PARD3B: variants seen among roughly 807,000 people sequenced by gnomAD.
The protein encoded by PARD3B is par-3 family cell polarity regulator beta, also known as partitioning defective 3 homolog B.
Under a neutral mutation model 130.2 loss-of-function variants are expected in PARD3B, and 103 were observed. That is an observed-to-expected ratio of 0.79 (90% CI 0.67 to 0.93). The LOEUF is 0.93. PARD3B is among the 40% of genes least tolerant of loss of function. The probability of loss-of-function intolerance (pLI) is 0.00; values close to 1 mark genes in which losing one functional copy is unlikely to be tolerated. For synonymous variants in PARD3B, 583 were observed against 553.2 expected, an observed-to-expected ratio of 1.05 and a Z score of -0.76; for missense variants, 1,609 against 1,499.2, an observed-to-expected ratio of 1.07 and a Z score of -1.21.
At chr2:204,924,032 GATTCTGT>G (rs1374660791) in intron 2 of PARD3B, among the ~76,000 whole-genome samples, 1 of 152,040 alleles carries the variant, frequency 6.6e-6, no homozygotes, top group East Asian at 1.9e-4. Flanking sequence ...ATTAAACTCA[GATTCTGT>G]AAAAGCTGTA....
intron 2 of PARD3B, among the ~76,000 whole-genome samples, chr2:204,802,531 T>C (rs1387802764): frequency 6.6e-6 from 1 of 152,088 alleles, no homozygotes; most frequent in East Asian, 1.9e-4. Context: ...ACTCTAAAGA[T>C]ACATGCACAT....
In PARD3B at chr2:205,050,222, ATAAT is replaced by A. The variant is rs972331764; in HGVS notation, c.504+2537_504+2540del. Among the ~76,000 whole-genome samples the A allele has an allele frequency of 1.6e-3, 238 of 149,374 alleles. 1 individual carries two copies. Among genetic ancestry groups the A allele is most frequent in the African/African-American group, 5.4e-3 (223 of 41,054 alleles). On this transcript the variant is annotated intron_variant, in intron 4 of 22. Coordinates refer to ENST00000406610, the MANE Select transcript of PARD3B (RefSeq NM_001302769.2). Reference sequence around the variant, plus strand: ...AAATATATAATAATACTAATTAATAATAATTAATCTGACTCAGCCATTCTCTCCG... The same window carrying A: ...AAATATATAATAATACTAATTAATAATAATCTGACTCAGCCATTCTCTCCG...
At chr2:205,159,562 C>A (rs1001308658) in intron 11 of PARD3B, among the ~76,000 whole-genome samples, 4 of 152,170 alleles carry the variant, frequency 2.6e-5, no homozygotes, top group Admixed American at 2.6e-4. Context: ...AGGCAAGGGT[C>A]TTGACCAGCT....
At position 204,916,722 on chromosome 2, in the gene PARD3B, C is replaced by T. The variant is rs189153876; in HGVS notation, c.223-48430C>T. ...ATTTATCCATTTGTTCATGGAGTTCCCTTAATGAGCAAGAATGCCACATAC... is the reference window on the plus strand; with the variant it reads ...ATTTATCCATTTGTTCATGGAGTTCTCTTAATGAGCAAGAATGCCACATAC... On this transcript the variant is annotated intron_variant, in intron 2 of 22. Transcript: ENST00000406610. 3.7e-3 allele frequency among the ~76,000 whole-genome samples: 558 copies of T among 151,734 alleles called. 6 individuals carry two copies. Among genetic ancestry groups the T allele is most frequent in the African/African-American group, 0.013 (538 of 41,416 alleles).
rs771779135 is a variant in PARD3B, at chr2:204,663,687, A to G, written c.121-22494A>G. Among the ~76,000 whole-genome samples the G allele has an allele frequency of 2.4e-4, 37 of 152,138 alleles. 1 individual carries two copies. The highest frequency in any genetic ancestry group is 4.1e-4 in the Non-Finnish European group (28 of 68,020). ...TTTGAGCCTTATTTTTCTTGTCTGTAGGAGAGTGTTAATATTTACCCGTAA... is the reference window on the plus strand; with the variant it reads ...TTTGAGCCTTATTTTTCTTGTCTGTGGGAGAGTGTTAATATTTACCCGTAA... On this transcript the variant is annotated intron_variant, in intron 1 of 22. Coordinates refer to ENST00000406610, the MANE Select transcript of PARD3B (RefSeq NM_001302769.2).
chr2:204,589,146 A>G (rs1268840892), intron 1 of PARD3B, among the ~76,000 whole-genome samples: 1 of 152,214 alleles, frequency 6.6e-6, no homozygotes, highest in Non-Finnish European at 1.5e-5. Context: ...TATACCTGGA[A>G]TTATGGCACA....
chr2:205,183,730 T>TTGTATG lies in PARD3B; in HGVS notation c.1925-2031_1925-2030insATGTGT, dbSNP rs2035926383. Among the ~76,000 whole-genome samples the TTGTATG allele has an allele frequency of 1.4e-5, 2 of 138,160 alleles. No individual in the cohort carries two copies. The highest frequency in any genetic ancestry group is 3.1e-5 in the Non-Finnish European group (2 of 64,184). 90.6% of individuals were successfully genotyped at this position (138,160 alleles called of 152,430 possible). A position where few individuals can be genotyped will look rare whatever the true frequency, so the allele number is the denominator to read the frequency against. Reference sequence around the variant, plus strand: ...GGTTCTGCAGAGAAACAGAACCAAGTTGTGTGTGTGTGTGTGTGTGTGTGT... The same window carrying TTGTATG: ...GGTTCTGCAGAGAAACAGAACCAAGTTGTATGTGTGTGTGTGTGTGTGTGTGTGTGT... On this transcript the variant is annotated intron_variant, in intron 13 of 22. Transcript: ENST00000406610. The surrounding 1 kb of genome is among the most constrained non-coding windows in gnomAD (Gnocchi z 5.2).
At position 205,037,188 on chromosome 2, in the gene PARD3B, CAAAT is replaced by C. The variant is rs553238909; in HGVS notation, c.395-10391_395-10388del. Among the ~76,000 whole-genome samples the C allele has an allele frequency of 6.3e-4, 91 of 144,166 alleles. No homozygotes were observed. In the South Asian group the frequency reaches 0.018, roughly 29 times the overall value. The allele number at this position is 144,166 out of a possible 152,430, so 94.6% of individuals were successfully genotyped here. A position where few individuals can be genotyped will look rare whatever the true frequency, so the allele number is the denominator to read the frequency against. On this transcript the variant is annotated intron_variant, in intron 3 of 22. Transcript: ENST00000406610. ...TATATAGCGGACTGTATATATAAAA[CAAAT>C]ATATATATAGCGGACTATATATAAA... is the stretch of plus-strand genomic sequence containing the variant.
At chr2:204,896,955 C>T (rs2125698643) in intron 2 of PARD3B, among the ~76,000 whole-genome samples, 1 of 152,252 alleles carries the variant, frequency 6.6e-6, no homozygotes, top group South Asian at 2.1e-4. Flanking sequence ...TAAATTGCAT[C>T]TGTACAGCAG....
chr2:205,301,573 CA>C lies in PARD3B; in HGVS notation c.2509del (p.Thr837ArgfsTer13), dbSNP rs772816756. 2.5e-6 allele frequency: 4 copies of C among 1,610,984 alleles called. No individual in the cohort carries two copies. In the South Asian group the frequency reaches 4.4e-5, roughly 18 times the overall value. On this transcript the variant is annotated frameshift_variant, in exon 18 of 23. Transcript: ENST00000406610. LOFTEE classifies it high-confidence loss of function. The surrounding 1 kb of genome is among the most constrained non-coding windows in gnomAD (Gnocchi z 5.2). ...EDMENKARKVKKTKEKEKKKE... is the reference protein window; with the variant it reads ...EDMENKARKVXKTKEKEKKKE... ...ACATGGAAAATAAAGCCAGGAAAGT[CA>C]AAAAAACGAAAGAGAAGGAGAAGAA...
At chr2:204,805,076 T>G (rs575668976) in intron 2 of PARD3B, among the ~76,000 whole-genome samples, 2 of 151,066 alleles carry the variant, frequency 1.3e-5, no homozygotes, top group South Asian at 4.2e-4. Flanking sequence ...TGAAAAGAAA[T>G]AATAAAGATG....
chr2:204,592,058 A>G (rs2033093677), intron 1 of PARD3B, among the ~76,000 whole-genome samples: 1 of 152,274 alleles, frequency 6.6e-6, no homozygotes, highest in Non-Finnish European at 1.5e-5. Context: ...GTGGACAGCT[A>G]TCATTTAGGT....
At chr2:204,766,286 A>G (rs2041143620) in intron 2 of PARD3B, among the ~76,000 whole-genome samples, 1 of 152,224 alleles carries the variant, frequency 6.6e-6, no homozygotes. Flanking sequence ...TGTTTAAAAT[A>G]CATATCAGTA....
At chr2:204,804,366 A>G (rs1418810096) in intron 2 of PARD3B, among the ~76,000 whole-genome samples, 1 of 152,240 alleles carries the variant, frequency 6.6e-6, no homozygotes, top group Non-Finnish European at 1.5e-5. Context: ...TTATAAGACA[A>G]ACTAGATTTC....
intron 18 of PARD3B, among the ~76,000 whole-genome samples, chr2:205,382,760 T>C (rs1323886848): frequency 1.3e-5 from 2 of 152,100 alleles, no homozygotes; most frequent in African/African-American, 4.8e-5. Context: ...TGGATATTTA[T>C]TTTATTCTAA....
In PARD3B at chr2:205,300,717, A is replaced by C. The variant is rs752245949; in HGVS notation, c.2373A>C (p.Gly791=). 2 of 1,611,230 alleles carry C rather than the reference A, an allele frequency of 1.2e-6. No individual in the cohort carries two copies. The highest frequency in any genetic ancestry group is 1.7e-5 in the Admixed American group (1 of 59,986). Residue 791 remains glycine (G), a synonymous_variant, in exon 17 of 23, where the codon GGA becomes GGC. Transcript: ENST00000406610. The surrounding 1 kb of genome is among the most constrained non-coding windows in gnomAD (Gnocchi z 4.1). ...FRAAIDKSYD[G]PEEIEADGLS... ...CAGCCATTGACAAATCCTACGATGG[A>C]CCTGAAGAAATAGAAGCTGGTAGGA...
chr2:205,186,516 G>T (rs2036108657), intron 14 of PARD3B, among the ~76,000 whole-genome samples: 2 of 152,028 alleles, frequency 1.3e-5, no homozygotes, highest in South Asian at 4.2e-4. Flanking sequence ...ATTTACTATG[G>T]CTGTTAGAAA....
intron 15 of PARD3B, among the ~76,000 whole-genome samples, chr2:205,194,968 T>G (rs11691116): frequency 0.098 from 14,496 of 148,344 alleles, 888 homozygotes; most frequent in East Asian, 0.27. Flanking sequence ...TTTTTTTTTT[T>G]TTGTATTTTT....
chr2:205,224,385 A>AAAAAAAG (rs1164513653), intron 15 of PARD3B, among the ~76,000 whole-genome samples: 32 of 147,574 alleles, frequency 2.2e-4, no homozygotes, highest in African/African-American at 7.1e-4. Flanking sequence ...AAAAAAAAAA[A>AAAAAAAG]AAAGAAAGAA....
Sources: allele counts gnomAD v4.1 joint callset (sites outside exome capture counted in the v4.1 genomes callset), GRCh38; gene constraint gnomAD v4.1.1; non-coding constraint Gnocchi (gnomAD v3.1); transcripts MANE v1.5; gene names NCBI Gene and HGNC (gene_info 2026-07-23, HGNC 2026-07-21).